The following LTF variants were observed in gnomAD, a reference collection of about 807,000 sequenced individuals.
The protein encoded by LTF is epididymis luminal protein 110.
LTF carries 91 observed loss-of-function variants against 87.2 expected under a neutral mutation model. That is an observed-to-expected ratio of 1.04 (90% CI 0.88 to 1.24). The LOEUF (loss-of-function observed/expected upper bound fraction) is 1.24. Among genes scored for constraint, LTF ranks in the 50% most tolerant of loss-of-function variants. LTF has a pLI of 0.00. For synonymous variants in LTF, 378 were observed against 356.1 expected (o/e 1.06, Z -0.69); for missense variants, 901 against 904.3 (o/e 1.00, Z 0.05).
intron 1 of LTF, among the ~76,000 whole-genome samples, chr3:46,472,065 G>C (rs1046365063): frequency 6.6e-6 from 1 of 152,002 alleles, no homozygotes. Flanking sequence ...GTCTTTTCCA[G>C]CGACCCTCCT....
chr3:46,442,547 A>T (rs1702548768), intron 13 of LTF, among the ~76,000 whole-genome samples: 1 of 151,478 alleles, frequency 6.6e-6, no homozygotes. Flanking sequence ...CTTATGAGAC[A>T]TGTGTTCAGC....
chr3:46,451,758 C>T (rs1702809149), intron 6 of LTF, among the ~76,000 whole-genome samples: 1 of 152,100 alleles, frequency 6.6e-6, no homozygotes, highest in South Asian at 2.1e-4. Context: ...CCAGGCCCAG[C>T]TAATTTTTGT....
At chr3:46,472,938 A>T (rs1426258815) in intron 1 of LTF, among the ~76,000 whole-genome samples, 1 of 150,946 alleles carries the variant, frequency 6.6e-6, no homozygotes, top group Non-Finnish European at 1.5e-5. Flanking sequence ...CGGGGGCCAG[A>T]CTCCCCATGT....
intron 5 of LTF, among the ~76,000 whole-genome samples, 172 bp from the exon 6 acceptor site, chr3:46,454,532 CTGAAGAA>C (rs1346309132): frequency 1.3e-5 from 2 of 152,198 alleles, no homozygotes; most frequent in African/African-American, 4.8e-5. Context: ...CAGGTAGATA[CTGAAGAA>C]TGACTCAGGT....
upstream of LTF, among the ~76,000 whole-genome samples, chr3:46,468,691 G>A (rs1703246463): frequency 6.6e-6 from 1 of 152,222 alleles, no homozygotes; most frequent in Admixed American, 6.5e-5. Context: ...GGTGGGATAA[G>A]GCAGAAAAGG....
chr3:46,473,180 A>G (rs184262503), intron 1 of LTF, among the ~76,000 whole-genome samples: 238 of 152,208 alleles, frequency 1.6e-3, no homozygotes, highest in African/African-American at 5.6e-3. Context: ...TTTCAGAATC[A>G]CAGAGCTAAC....
In LTF at chr3:46,446,480, G is replaced by T. The variant is rs1182898401; in HGVS notation, c.1317C>A (p.Ser439Arg). The T allele has an allele frequency of 1.2e-6, 2 of 1,613,622 alleles. No individual in the cohort carries two copies. Among genetic ancestry groups the T allele is most frequent in the Admixed American group, 1.7e-5 (1 of 59,970 alleles). The change falls in exon 11 of 17, where the codon AGC (serine) becomes AGA (arginine). Residue 439 changes from serine (S) to arginine (R), a missense_variant. Physicochemically the swap from Ser to Arg is moderately radical, Grantham distance 110 (BLOSUM62 -1). Transcript: ENST00000231751. Reference protein sequence around the residue: ...VLAENYKSQQSSDPDPNCVDR... With the variant: ...VLAENYKSQQRSDPDPNCVDR... ...CCACACAGTTAGGATCAGGGTCACT[G>T]CTTTGTTGGGATTCTGAAAGAATAA...
At chr3:46,451,489 C>T (rs1274753796) in intron 6 of LTF, among the ~76,000 whole-genome samples, 5 of 152,020 alleles carry the variant, frequency 3.3e-5, no homozygotes, top group Non-Finnish European at 5.9e-5. Context: ...ACCATGAGAT[C>T]GTCTTCATCT....
rs74595637 is a variant in LTF at position 46,460,061 on chromosome 3, A to T, written c.44-242T>A. Among the ~76,000 whole-genome samples, 438 of 152,244 alleles carry T rather than the reference A, an allele frequency of 2.9e-3. 4 individuals carry two copies. The East Asian group carries it at 0.045, about 16-fold the overall frequency. The stretch of plus-strand genomic sequence containing the variant: ...TTAAAGGAGAAAGTCCCTCTAGATT[A>T]TTTTCATTCCTATGACTTTGACATG... On this transcript the variant is annotated intron_variant, in intron 1 of 16. Transcript: ENST00000231751.
At chr3:46,471,451 G>A (rs1188908630) in intron 1 of LTF, among the ~76,000 whole-genome samples, 6 of 152,200 alleles carry the variant, frequency 3.9e-5, no homozygotes, top group African/African-American at 1.4e-4. Flanking sequence ...ACTGACACCT[G>A]TCCCTGCACC....
In LTF at chr3:46,443,439, A is replaced by C. The variant is rs1575307656; in HGVS notation, c.1655+2T>G. 1 of 1,614,104 alleles carries C rather than the reference A, an allele frequency of 6.2e-7. No individual in the cohort carries two copies. The highest frequency in any genetic ancestry group is 8.5e-7 in the Non-Finnish European group (1 of 1,180,012). On this transcript the variant is annotated splice_donor_variant, in intron 13 of 16. Transcript: ENST00000231751. LOFTEE classifies it high-confidence loss of function. ...CCTGATGGAGCTCAGTCACAGACTCACCGGAAAGCCCCAGTGTAGCCGTAG... is the reference window on the plus strand; with the variant it reads ...CCTGATGGAGCTCAGTCACAGACTCCCCGGAAAGCCCCAGTGTAGCCGTAG...
At position 46,450,668 on chromosome 3, in the gene LTF, G is replaced by A; in HGVS notation, c.709C>T (p.Leu237=). 1 of 1,609,088 alleles carries A rather than the reference G, an allele frequency of 6.2e-7. No homozygotes were observed. The highest frequency in any genetic ancestry group is 8.5e-7 in the Non-Finnish European group (1 of 1,175,668). Residue 237 remains leucine, a synonymous_variant, in exon 7 of 17, where the codon CTG becomes TTG. Transcript: ENST00000231751. ...FIRESTVFED[L]SDEAERDEYE... ...TCGTCCCTTTCAGCCTCGTCTGACA[G>A]GTCCTCTGCAGGGAAGGTGAGGTGG...
intron 1 of LTF, chr3:46,463,776 G>C (rs6441996): frequency 0.29 from 92,660 of 323,356 alleles, 16,038 homozygotes; most frequent in African/African-American, 0.55. Flanking sequence ...GAGCTTGAGG[G>C]GAAGAGAACA....
intron 14 of LTF, among the ~76,000 whole-genome samples, chr3:46,440,149 A>T (rs891814865): frequency 6.6e-6 from 1 of 152,196 alleles, no homozygotes; most frequent in African/African-American, 2.4e-5. Context: ...TACACTTTGC[A>T]TGGGTGGATT....
intron 1 of LTF, among the ~76,000 whole-genome samples, chr3:46,482,703 G>GGAAGGAAGGAAA (rs1559614928): frequency 1.8e-4 from 17 of 92,714 alleles, no homozygotes; most frequent in African/African-American, 6.5e-4. Flanking sequence ...AAGGAAGGAA[G>GGAAGGAAGGAAA]GAAAGAAAGA....
At chr3:46,448,049 G>A (rs1702699296) in intron 9 of LTF, among the ~76,000 whole-genome samples, 1 of 152,160 alleles carries the variant, frequency 6.6e-6, no homozygotes, top group African/African-American at 2.4e-5. Flanking sequence ...TCACATAAAA[G>A]ATATCCTGGA....
At chr3:46,474,372 T>C (rs1196558502) in intron 1 of LTF, among the ~76,000 whole-genome samples, 1 of 152,188 alleles carries the variant, frequency 6.6e-6, no homozygotes, top group African/African-American at 2.4e-5. Context: ...GAAAGAAACA[T>C]TATGTAATAA....
In LTF at chr3:46,459,770, G is replaced by A. The variant is rs191939074; in HGVS notation, c.93C>T (p.Ser31=). 3.8e-5 allele frequency: 58 copies of A among 1,528,760 alleles called. No individual in the cohort carries two copies. In the Admixed American group the frequency reaches 1.2e-3, roughly 31 times the overall value. 94.7% of individuals were successfully genotyped at this position (1,528,760 alleles called of 1,614,324 possible). The part of the protein sequence containing the change: ...RRRSVQWCAV[S]QPEATKCFQW... The stretch of plus-strand genomic sequence containing the variant: ...GGAAGCATTTTGTGGCCTCGGGTTG[G>A]GATACGGCGCACCACTGAACACTCC... Residue 31 remains serine, a synonymous_variant, in exon 2 of 17, where the codon TCC becomes TCT. Coordinates refer to ENST00000231751, the MANE Select transcript of LTF (RefSeq NM_002343.6).
chr3:46,443,588 G>A lies in LTF; in HGVS notation c.1514-6C>T. ...GCTTTGACTGAAATATTCATCTGGAGAGAAGGAACACGGGGAGTCAGCTCT... is the reference window on the plus strand; with the variant it reads ...GCTTTGACTGAAATATTCATCTGGAAAGAAGGAACACGGGGAGTCAGCTCT... On this transcript the variant is annotated splice_region_variant and splice_polypyrimidine_tract_variant and intron_variant, in intron 12 of 16. Coordinates refer to ENST00000231751, the MANE Select transcript of LTF (RefSeq NM_002343.6). 2.5e-6 allele frequency: 4 copies of A among 1,614,044 alleles called. No individual in the cohort carries two copies. The highest frequency in any genetic ancestry group is 3.4e-6 in the Non-Finnish European group (4 of 1,180,036).
Sources: allele counts gnomAD v4.1 joint callset (sites outside exome capture counted in the v4.1 genomes callset), GRCh38; gene constraint gnomAD v4.1.1; transcripts MANE v1.5; gene names NCBI Gene and HGNC (gene_info 2026-07-23, HGNC 2026-07-21).